NAV3: variants seen among roughly 807,000 people sequenced by gnomAD.
NAV3 encodes the protein pore membrane and/or filament interacting like protein 1.
NAV3 carries 87 observed loss-of-function variants against 244.7 expected under a neutral mutation model. The ratio of observed to expected loss-of-function variants is 0.36; its 90% CI spans 0.30 to 0.42. NAV3 has a LOEUF of 0.42. Ranked by LOEUF, NAV3 falls within the 20% of genes least tolerant of loss-of-function variation. The pLI, the probability that NAV3 is intolerant of heterozygous loss-of-function variation, is 1.00. For missense variants in NAV3, 2,663 were observed against 2,893.3 expected (o/e 0.92, Z 1.83); for synonymous variants, 1,126 against 1,042.2 (o/e 1.08, Z -1.55).
rs372259925 is a variant in NAV3, at chr12:77,865,963, T to C, written c.243+34259T>C. On this transcript the variant is annotated intron_variant, in intron 1 of 39. Transcript: ENST00000397909. ...AAAGAGCCTGCTGCTCTTATAATGT[T>C]ACCCATTGACCTCACATTATAAGTT... Among the ~76,000 whole-genome samples, 23 of 149,972 alleles carry C rather than the reference T, an allele frequency of 1.5e-4. No homozygotes were observed. The East Asian group carries it at 2.9e-3, about 19-fold the overall frequency.
intron 1 of NAV3, among the ~76,000 whole-genome samples, chr12:77,840,668 G>C (rs1875478968): frequency 1.3e-5 from 2 of 152,156 alleles, no homozygotes; most frequent in African/African-American, 4.8e-5. Context: ...TTAAAATTAA[G>C]GATTATTACT....
intron 12 of NAV3, among the ~76,000 whole-genome samples, chr12:78,068,138 T>G (rs1885250445): frequency 6.6e-6 from 1 of 151,910 alleles, no homozygotes. Context: ...CTTAAATATA[T>G]TATTTTACTT....
At chr12:78,029,179 C>CAAAA (rs149050506) in intron 9 of NAV3, among the ~76,000 whole-genome samples, 1 of 128,788 alleles carries the variant, frequency 7.8e-6, no homozygotes, top group Non-Finnish European at 1.7e-5. Flanking sequence ...CTACCTATTC[C>CAAAA]AAAAAAAAAA....
At chr12:78,122,527 C>G in intron 16 of NAV3, 99 bp downstream of exon 16, 1 of 1,408,550 alleles carries the variant, frequency 7.1e-7, no homozygotes, top group Non-Finnish European at 9.5e-7. Flanking sequence ...CTGTGAGTGC[C>G]CCGGTGCAAA....
At chr12:77,976,273 A>T (rs1240420550) in intron 5 of NAV3, among the ~76,000 whole-genome samples, 1 of 152,188 alleles carries the variant, frequency 6.6e-6, no homozygotes. Context: ...GGACAGATGG[A>T]GCCTATAGAT....
Position 77,730,452 on chromosome 12 carries a change from C to T in NAV3, c.72+158186C>T, listed in dbSNP as rs914061381. Among the ~76,000 whole-genome samples, 5 of 151,492 alleles carry T rather than the reference C, an allele frequency of 3.3e-5. No individual in the cohort carries two copies. The South Asian group carries it at 6.2e-4, about 19-fold the overall frequency. The stretch of plus-strand genomic sequence containing the variant: ...AAAAGTGAGAAAAAGTTAGAAACAG[C>T]TAAAAAGAAAACAAAGGAGAATCAT... On this transcript the variant is annotated intron_variant, in intron 2 of 8. Coordinates refer to the NAV3 transcript ENST00000550042.
chr12:78,020,002 C>G (rs1876879727), intron 8 of NAV3, among the ~76,000 whole-genome samples: 1 of 152,082 alleles, frequency 6.6e-6, no homozygotes, highest in Admixed American at 6.6e-5. Context: ...TTTTAGAATT[C>G]AGGCATAAAT....
intron 2 of NAV3, among the ~76,000 whole-genome samples, chr12:77,807,367 C>A (rs111589027): frequency 0.015 from 2,322 of 152,222 alleles, 57 homozygotes; most frequent in African/African-American, 0.053. Context: ...GTAAGACAGG[C>A]CTGGTGGTGA....
chr12:78,175,249 AT>A, intron 24 of NAV3, 56 bp from the exon 25 acceptor site: 1 of 1,587,970 alleles, frequency 6.3e-7, no homozygotes, highest in Non-Finnish European at 8.6e-7. Flanking sequence ...TAAAAGACTT[AT>A]TTGTTCAGAT....
Position 77,942,102 on chromosome 12 carries a change from G to A in NAV3, c.414+969G>A, listed in dbSNP as rs369500400. ...TTTTTAAAATAATTGGCCAGATGTG[G>A]TGGCTCACACCTGTAATCCCAGCAC... On this transcript the variant is annotated intron_variant, in intron 3 of 39. Coordinates refer to ENST00000397909, the MANE Select transcript of NAV3 (RefSeq NM_001024383.2). Among the ~76,000 whole-genome samples the A allele has an allele frequency of 6.1e-4, 93 of 152,308 alleles. 2 individuals carry two copies. The South Asian group carries it at 0.018, about 30-fold the overall frequency.
intron 12 of NAV3, among the ~76,000 whole-genome samples, chr12:78,071,301 C>T (rs1217695321): frequency 6.6e-6 from 1 of 152,086 alleles, no homozygotes; most frequent in Non-Finnish European, 1.5e-5. Flanking sequence ...CTCTGATGGC[C>T]AGTGATGATG....
At chr12:77,673,578 C>A (rs1874082912) in intron 2 of NAV3, among the ~76,000 whole-genome samples, 1 of 151,958 alleles carries the variant, frequency 6.6e-6, no homozygotes, top group Non-Finnish European at 1.5e-5. Context: ...GAACACTCCT[C>A]CAAGTAATCT....
intron 24 of NAV3, among the ~76,000 whole-genome samples, chr12:78,172,401 A>G (rs180843781): frequency 1.3e-5 from 2 of 151,782 alleles, no homozygotes; most frequent in East Asian, 3.9e-4. Flanking sequence ...TTTGGAATTT[A>G]TAATGGTAAA....
intron 2 of NAV3, among the ~76,000 whole-genome samples, chr12:77,653,299 G>A (rs1872914347): frequency 2.6e-5 from 4 of 152,162 alleles, no homozygotes; most frequent in Admixed American, 2.6e-4. Context: ...ACTGACAGGT[G>A]CTAATTGAGT....
At chr12:77,925,513 A>G (rs1232463891) in intron 1 of NAV3, among the ~76,000 whole-genome samples, 3 of 132,054 alleles carry the variant, frequency 2.3e-5, no homozygotes, top group African/African-American at 5.9e-5. Context: ...GTGCATTACA[A>G]ATGAAAGGAT....
intron 1 of NAV3, among the ~76,000 whole-genome samples, chr12:77,843,286 C>T (rs1291798114): frequency 6.6e-6 from 1 of 151,904 alleles, no homozygotes; most frequent in Non-Finnish European, 1.5e-5. Context: ...CCAGCTAGAC[C>T]TATTGTATTA....
At chr12:77,683,551 C>T (rs1024594332) in intron 2 of NAV3, among the ~76,000 whole-genome samples, 1 of 151,916 alleles carries the variant, frequency 6.6e-6, no homozygotes, top group African/African-American at 2.4e-5. Context: ...TTTATATTTC[C>T]GTGAAAAATG....
At chr12:78,095,936 T>A (rs182795182) in intron 12 of NAV3, among the ~76,000 whole-genome samples, 1 of 152,288 alleles carries the variant, frequency 6.6e-6, no homozygotes, top group East Asian at 1.9e-4. Flanking sequence ...ACTTGCTACA[T>A]AGGCTAGTGG....
At chr12:77,971,725 C>A (rs953548875) in intron 5 of NAV3, among the ~76,000 whole-genome samples, 1 of 152,006 alleles carries the variant, frequency 6.6e-6, no homozygotes, top group African/African-American at 2.4e-5. Context: ...TTTCAAAGTT[C>A]TTTCCAAGTA....
Sources: allele counts gnomAD v4.1 joint callset (sites outside exome capture counted in the v4.1 genomes callset), GRCh38; gene constraint gnomAD v4.1.1; transcripts MANE v1.5; gene names NCBI Gene and HGNC (gene_info 2026-07-23, HGNC 2026-07-21).